The following CCDC57 variants were observed in gnomAD, a reference collection of about 807,000 sequenced individuals.
CCDC57 encodes coiled-coil domain containing 57.
Under a neutral mutation model 118.9 loss-of-function variants are expected in CCDC57, and 118 were observed. That is an observed-to-expected ratio of 0.99 (90% CI 0.86 to 1.16). CCDC57 has a LOEUF of 1.16. CCDC57 is among the 50% of genes most tolerant of loss of function. The pLI, the probability that CCDC57 is intolerant of heterozygous loss-of-function variation, is 0.00. For synonymous variants in CCDC57, 527 were observed against 532.9 expected (o/e 0.99, Z 0.15); for missense variants, 1,300 against 1,320.7 (o/e 0.98, Z 0.24).
At chr17:82,166,987 GAAACAA>G (rs1453594537) in intron 13 of CCDC57, among the ~76,000 whole-genome samples, 1 of 151,274 alleles carries the variant, frequency 6.6e-6, no homozygotes, top group Non-Finnish European at 1.5e-5. Context: ...TTTAGAAACA[GAAACAA>G]AAATCTCACT....
chr17:82,202,204 C>T (rs376222874), intron 2 of CCDC57, among the ~76,000 whole-genome samples: 6 of 152,256 alleles, frequency 3.9e-5, no homozygotes, highest in African/African-American at 1.4e-4. Context: ...CAGTGGCTCA[C>T]GCCTGTAATC....
At chr17:82,159,896 C>G (rs67143649) in intron 14 of CCDC57, among the ~76,000 whole-genome samples, 67,733 of 148,410 alleles carry the variant, frequency 0.46, 17,261 homozygotes, top group East Asian at 0.88. Context: ...GTCTCAATCT[C>G]CTGACCTGGT....
intron 11 of CCDC57, chr17:82,175,681 G>C (rs1205334742): frequency 2.0e-5 from 3 of 152,148 alleles, no homozygotes; most frequent in African/African-American, 7.2e-5. Context: ...GTGTAAAACC[G>C]AGGTGTGCTC....
At chr17:82,126,308 A>T in intron 19 of CCDC57, 1 of 767,282 alleles carries the variant, frequency 1.3e-6, no homozygotes, top group Non-Finnish European at 1.6e-6. Flanking sequence ...AACAGACAAG[A>T]TAAAAAACAA....
chr17:82,177,784 C>T (rs980000378), intron 11 of CCDC57, among the ~76,000 whole-genome samples: 3 of 152,152 alleles, frequency 2.0e-5, no homozygotes, highest in Non-Finnish European at 4.4e-5. Context: ...GGTGCTTGGG[C>T]ACACTTACAT....
At chr17:82,182,518 T>C (rs930780232) in intron 9 of CCDC57, among the ~76,000 whole-genome samples, 1 of 151,554 alleles carries the variant, frequency 6.6e-6, no homozygotes. Context: ...CACACCGGGA[T>C]AATTTTTGTA....
At chr17:82,122,611 C>T (rs2036874597) in intron 19 of CCDC57, among the ~76,000 whole-genome samples, 1 of 151,042 alleles carries the variant, frequency 6.6e-6, no homozygotes, top group African/African-American at 2.4e-5. Context: ...GGTCTCTGAC[C>T]CAGGAGCCTC....
At chr17:82,113,278 C>A in intron 19 of CCDC57, 1 of 649,022 alleles carries the variant, frequency 1.5e-6, no homozygotes, top group Non-Finnish European at 2.8e-6. Flanking sequence ...CCTTCTTGGC[C>A]AGAGCACTGG....
chr17:82,150,251 T>C (rs375081554), intron 16 of CCDC57, among the ~76,000 whole-genome samples: 1,661 of 25,314 alleles, frequency 0.066, no homozygotes, highest in Non-Finnish European at 0.08. Context: ...AGGCGCACAC[T>C]CAGAACCTGA....
chr17:82,129,403 A>G (rs1313576103), intron 17 of CCDC57, among the ~76,000 whole-genome samples: 1 of 152,252 alleles, frequency 6.6e-6, no homozygotes, highest in Non-Finnish European at 1.5e-5. Context: ...GGACCTGTAC[A>G]GAGCCATGGA....
intron 19 of CCDC57, chr17:82,112,997 GAATA>G: frequency 4.5e-6 from 1 of 220,062 alleles, no homozygotes; most frequent in South Asian, 9.4e-5. Flanking sequence ...TGTGGGCATA[GAATA>G]AATATTATCA....
At chr17:82,145,731 C>T (rs773320210) in intron 16 of CCDC57, 1 of 404,694 alleles carries the variant, frequency 2.5e-6, no homozygotes, top group Admixed American at 3.1e-5. Context: ...CAGCACCTGC[C>T]TCCTGCTTCC....
At chr17:82,131,974 C>T (rs2038435073) in intron 17 of CCDC57, among the ~76,000 whole-genome samples, 1 of 151,538 alleles carries the variant, frequency 6.6e-6, no homozygotes, top group South Asian at 2.1e-4. Flanking sequence ...AAAATAAGGC[C>T]AGGCATGCTG....
rs548349949 is a variant in CCDC57, at chr17:82,193,708, C to G, written c.851+48G>C. ...CACAATGGTTCCACTTCCCTCCTCT[C>G]CTGGGGCCACTGACATGCTGCATGA... On this transcript the variant is annotated intron_variant, in intron 7 of 19. Coordinates refer to ENST00000665763, the Ensembl canonical transcript of CCDC57. 2.0e-6 allele frequency: 3 copies of G among 1,527,590 alleles called. No homozygotes were observed. The African/African-American group carries it at 4.1e-5, about 21-fold the overall frequency. The allele number at this position is 1,527,590 out of a possible 1,614,324, so 94.6% of individuals were successfully genotyped here.
intron 11 of CCDC57, among the ~76,000 whole-genome samples, chr17:82,178,254 T>G (rs1456013194): frequency 1.3e-5 from 2 of 152,234 alleles, no homozygotes; most frequent in Non-Finnish European, 2.9e-5. Flanking sequence ...ATATGTGGAT[T>G]TGGGACTTTT....
exon 20 of CCDC57, chr17:82,101,823 C>A: frequency 6.3e-7 from 1 of 1,593,296 alleles, no homozygotes; most frequent in Non-Finnish European, 8.5e-7. Flanking sequence ...TGCCTGCCTG[C>A]ATCTTGACGG....
At chr17:82,108,917 T>C (rs1358949252) in intron 19 of CCDC57, 1 of 152,116 alleles carries the variant, frequency 6.6e-6, no homozygotes, top group East Asian at 1.9e-4. Flanking sequence ...CTCACACTCT[T>C]TAAGCTGCGA....
chr17:82,173,278 A>C (rs768148181), intron 11 of CCDC57, among the ~76,000 whole-genome samples: 11 of 152,158 alleles, frequency 7.2e-5, no homozygotes, highest in Non-Finnish European at 1.6e-4. Flanking sequence ...AAAATAGTTA[A>C]AGCAGCCAGT....
At chr17:82,119,536 A>G (rs2036384237) in intron 19 of CCDC57, among the ~76,000 whole-genome samples, 1 of 152,082 alleles carries the variant, frequency 6.6e-6, no homozygotes, top group South Asian at 2.1e-4. Flanking sequence ...AGGAAGAAAA[A>G]TGGCATGGCC....
Sources: allele counts gnomAD v4.1 joint callset (sites outside exome capture counted in the v4.1 genomes callset), GRCh38; gene constraint gnomAD v4.1.1; transcripts MANE v1.5; gene names NCBI Gene and HGNC (gene_info 2026-07-23, HGNC 2026-07-21).